The following NRAP variants were observed in gnomAD, a reference collection of about 807,000 sequenced individuals.
NRAP encodes the protein nebulin related anchoring protein.
A neutral mutation model predicts 225.9 loss-of-function variants in NRAP; 189 were observed. The ratio of observed to expected loss-of-function variants is 0.84; its 90% CI spans 0.74 to 0.94. The LOEUF (loss-of-function observed/expected upper bound fraction) is 0.94, where lower values mean the gene tolerates loss of function less well. NRAP is among the 40% of genes least tolerant of loss of function. The probability of loss-of-function intolerance (pLI) is 0.00; values close to 1 mark genes in which losing one functional copy is unlikely to be tolerated. For synonymous variants in NRAP, 769 were observed against 790.7 expected, an observed-to-expected ratio of 0.97 and a Z score of 0.46; for missense variants, 2,176 against 2,168.7, an observed-to-expected ratio of 1.00 and a Z score of -0.07.
chr10:113,606,376 C>A (rs1189879505), intron 32 of NRAP, 94 bp from the exon 33 acceptor site: 2 of 745,218 alleles, frequency 2.7e-6, no homozygotes, highest in Admixed American at 4.9e-5. Context: ...TGAGGAAACA[C>A]AATAGCAAAA....
intron 14 of NRAP, among the ~76,000 whole-genome samples, chr10:113,634,508 C>A (rs772261602): frequency 1.3e-5 from 2 of 152,300 alleles, no homozygotes; most frequent in East Asian, 3.9e-4. Context: ...CCACAAGATA[C>A]CCCTGCACAC....
At position 113,622,071 on chromosome 10, in the gene NRAP, C is replaced by T; in HGVS notation, c.2567G>A (p.Ser856Asn). The T allele has an allele frequency of 1.2e-6, 2 of 1,614,240 alleles. No individual in the cohort carries two copies. Among genetic ancestry groups the T allele is most frequent in the Non-Finnish European group, 1.7e-6 (2 of 1,180,036 alleles). The change falls in exon 24 of 42, where the codon AGT becomes AAT. Residue 856 changes from serine to asparagine, a missense_variant. Ser to Asn is a conservative substitution (Grantham distance 46). Coordinates refer to ENST00000359988, the MANE Select transcript of NRAP (RefSeq NM_198060.4). ...SHSLQMSKLQ[S>N]ELEYKKGFED... ...GAATCCCTTCTTGTACTCCAGCTCACTCTGCAGCTTGGACATTTGCAGTGA... is the reference window on the plus strand; with the variant it reads ...GAATCCCTTCTTGTACTCCAGCTCATTCTGCAGCTTGGACATTTGCAGTGA...
In NRAP at chr10:113,590,053, T is replaced by G. The variant is rs551702019; in HGVS notation, c.4957-256A>C. On this transcript the variant is annotated intron_variant, in intron 40 of 41. Coordinates refer to ENST00000359988, the MANE Select transcript of NRAP (RefSeq NM_198060.4). Reference sequence around the variant, plus strand: ...AAGTGACAAAAGTTACAGTTGGGAGTGGGTGGGGTAGTGACACCTGCTCCA... The same window carrying G: ...AAGTGACAAAAGTTACAGTTGGGAGGGGGTGGGGTAGTGACACCTGCTCCA... Among the ~76,000 whole-genome samples the G allele has an allele frequency of 2.6e-5, 4 of 151,954 alleles. No homozygotes were observed. In the South Asian group the frequency reaches 6.2e-4, roughly 24 times the overall value.
At chr10:113,612,558 GCTC>G in intron 29 of NRAP, 127 bp from the exon 30 acceptor site, 1 of 723,000 alleles carries the variant, frequency 1.4e-6, no homozygotes, top group Non-Finnish European at 2.3e-6. Flanking sequence ...CAGGGCCAGT[GCTC>G]CTTTCTTGCA....
chr10:113,612,383 GC>G lies in NRAP; in HGVS notation c.3348del (p.Pro1117ArgfsTer36). 6.2e-7 allele frequency: 1 copy of G among 1,614,220 alleles called. No homozygotes were observed. The highest frequency in any genetic ancestry group is 2.2e-5 in the East Asian group (1 of 44,890). On this transcript the variant is annotated frameshift_variant, in exon 30 of 42. Transcript: ENST00000359988. LOFTEE classifies it high-confidence loss of function. ...GFEHSKAQFH[L>X]PLDMAALVHA... is the part of the protein sequence containing the mutation. ...TGCACCAGGGCGGCCATGTCCAACG[GC>G]AGATGGAACTGCGCCTTTGAGTGTT...
At chr10:113,589,626 G>A (rs1554849064) in intron 41 of NRAP, 40 bp downstream of exon 41, 1 of 1,466,082 alleles carries the variant, frequency 6.8e-7, no homozygotes, top group South Asian at 1.2e-5. Flanking sequence ...TTTCCCCATG[G>A]CCTTGCAAGC....
intron 18 of NRAP, 94 bp from the exon 19 acceptor site, chr10:113,629,879 G>C: frequency 1.2e-6 from 1 of 851,958 alleles, no homozygotes; most frequent in South Asian, 1.5e-5. Context: ...CGGGCTTTCG[G>C]GAGCAGGAGA....
chr10:113,595,786 A>T, intron 37 of NRAP, 59 bp from the exon 38 acceptor site: 1 of 1,150,708 alleles, frequency 8.7e-7, no homozygotes, highest in Non-Finnish European at 1.3e-6. Flanking sequence ...ACCACAGGGG[A>T]ATAGCAACTG....
At chr10:113,623,658 G>A (rs374495902) in intron 22 of NRAP, 22 bp from the exon 23 acceptor site, 171 of 1,535,198 alleles carry the variant, frequency 1.1e-4, no homozygotes, top group Non-Finnish European at 1.5e-4. Flanking sequence ...TAGGAGAGAA[G>A]GTGAGTGGGT....
At chr10:113,618,188 A>G (rs1172680378) in intron 25 of NRAP, among the ~76,000 whole-genome samples, 1 of 152,082 alleles carries the variant, frequency 6.6e-6, no homozygotes, top group Non-Finnish European at 1.5e-5. Flanking sequence ...GCAAAGACCT[A>G]GATACCCAAT....
intron 18 of NRAP, among the ~76,000 whole-genome samples, chr10:113,630,549 C>T (rs939475576): frequency 2.6e-5 from 4 of 152,074 alleles, no homozygotes; most frequent in African/African-American, 9.7e-5. Flanking sequence ...AATAAGAGTT[C>T]TAGGCTCTAA....
At chr10:113,607,399 CAAAAAAAAAAAAAAAAAAAAAAA>C (rs543627940) in intron 32 of NRAP, among the ~76,000 whole-genome samples, 31 of 68,604 alleles carry the variant, frequency 4.5e-4, no homozygotes, top group South Asian at 1.7e-3. Context: ...GAAACTCCGT[CAAAAAAAAAAAAAAAAAAAAAAA>C]AAAAAAAAAA....
intron 4 of NRAP, among the ~76,000 whole-genome samples, chr10:113,655,945 C>A (rs1850281718): frequency 6.6e-6 from 1 of 152,108 alleles, no homozygotes; most frequent in South Asian, 2.1e-4. Flanking sequence ...TCTAAGCCCC[C>A]TAACTATCTG....
At chr10:113,617,386 C>A in intron 26 of NRAP, 69 bp downstream of exon 26, 1 of 976,504 alleles carries the variant, frequency 1.0e-6, no homozygotes, top group African/African-American at 1.6e-5. Flanking sequence ...AAGAACCCCT[C>A]CGCTTCAATC....
rs2133805533 is a variant in NRAP, at chr10:113,589,752, T to C, written c.5002A>G (p.Thr1668Ala). The C allele has an allele frequency of 6.2e-7, 1 of 1,613,972 alleles. No individual in the cohort carries two copies. The highest frequency in any genetic ancestry group is 8.5e-7 in the Non-Finnish European group (1 of 1,180,008). ...TCCACTTTGTAGGAGCCAGGAGGGG[T>C]CCAGCCAACACCTCTGGTCAGGTTC... ...DLNLTRGVGWTPPGSYKVEMA... is the reference protein window; with the variant it reads ...DLNLTRGVGWAPPGSYKVEMA... Residue 1668 changes from threonine to alanine, a missense_variant, in exon 41 of 42, where the codon ACC becomes GCC. Thr to Ala is a moderately conservative substitution (Grantham distance 58, BLOSUM62 0). Transcript: ENST00000359988.
chr10:113,609,206 T>C (rs1214145720), intron 31 of NRAP, among the ~76,000 whole-genome samples: 1 of 152,128 alleles, frequency 6.6e-6, no homozygotes, highest in Non-Finnish European at 1.5e-5. Context: ...AACTTTAAAA[T>C]AGGTGTGCCT....
At position 113,614,750 on chromosome 10, in the gene NRAP, A is replaced by C. The variant is rs1847541373; in HGVS notation, c.3186+89T>G. 3.2e-5 allele frequency: 25 copies of C among 790,026 alleles called. No homozygotes were observed. The South Asian group carries it at 3.3e-4, about 11-fold the overall frequency. The allele number at this position is 790,026 out of a possible 1,614,324, so 48.9% of individuals were successfully genotyped here. A position where few individuals can be genotyped will look rare whatever the true frequency, so the allele number is the denominator to read the frequency against. ...GTTCGGAGAGGACAGGGAATTATCC[A>C]CAGGCAAAAGAAGGCAGGAGTTACG... On this transcript the variant is annotated intron_variant, in intron 28 of 41. Transcript: ENST00000359988.
In NRAP at chr10:113,597,079, G is replaced by C. The variant is rs1227476483; in HGVS notation, c.4431+7C>G. ...ATGCCCGGGATGAATGACAAGAAAG[G>C]ACCCACCTCATTGCAGTGCATATAG... is the stretch of plus-strand genomic sequence containing the variant. On this transcript the variant is annotated splice_region_variant and intron_variant, in intron 37 of 41. Transcript: ENST00000359988. The C allele has an allele frequency of 6.3e-7, 1 of 1,594,262 alleles. No individual in the cohort carries two copies. The highest frequency in any genetic ancestry group is 1.1e-5 in the South Asian group (1 of 90,616).
chr10:113,614,737 C>G, intron 28 of NRAP, 102 bp downstream of exon 28: 2 of 739,638 alleles, frequency 2.7e-6, no homozygotes, highest in South Asian at 3.1e-5. Context: ...TCGGAGAGGA[C>G]AGGGAATTAT....
Sources: allele counts gnomAD v4.1 joint callset (sites outside exome capture counted in the v4.1 genomes callset), GRCh38; gene constraint gnomAD v4.1.1; transcripts MANE v1.5; gene names NCBI Gene and HGNC (gene_info 2026-07-23, HGNC 2026-07-21).